Variants in ATP13A3 observed in about 807,000 individuals in gnomAD.
ATP13A3 encodes ATPase 13A3.
In ATP13A3, 59 loss-of-function variants were observed where a neutral mutation model predicts 158.1. That is an observed-to-expected ratio of 0.37 (90% confidence interval 0.30 to 0.46). ATP13A3 has a LOEUF of 0.46. Ranked by LOEUF, ATP13A3 falls within the 20% of genes least tolerant of loss-of-function variation. ATP13A3 has a pLI of 1.00. For missense variants in ATP13A3, 1,166 were observed against 1,525.2 expected (o/e 0.76, Z 3.92); for synonymous variants, 491 against 504.3 (o/e 0.97, Z 0.35).
chr3:194,441,620 A>G (rs1718057476), intron 15 of ATP13A3, among the ~76,000 whole-genome samples, 159 bp from the exon 16 acceptor site: 1 of 152,076 alleles, frequency 6.6e-6, no homozygotes, highest in South Asian at 2.1e-4. Flanking sequence ...ATACAGGGAA[A>G]AGAAAACCAG....
chr3:194,439,440 G>A (rs1037461852), intron 16 of ATP13A3, among the ~76,000 whole-genome samples: 2 of 152,206 alleles, frequency 1.3e-5, no homozygotes, highest in Non-Finnish European at 2.9e-5. Context: ...ACAAAGATAT[G>A]AGTTTAGAGT....
At chr3:194,410,937 G>GGTGTGTGTGTGTGT (rs34952393) in intron 33 of ATP13A3, among the ~76,000 whole-genome samples, 3 of 127,230 alleles carry the variant, frequency 2.4e-5, no homozygotes, top group African/African-American at 3.3e-5. Context: ...GGGGTGTTGG[G>GGTGTGTGTGTGTGT]GTGTGTGTGT....
intron 2 of ATP13A3, among the ~76,000 whole-genome samples, chr3:194,477,296 T>C (rs543099673): frequency 1.6e-4 from 24 of 152,236 alleles, no homozygotes; most frequent in East Asian, 5.8e-4. Flanking sequence ...GTTGAACTTA[T>C]AGACTAAAAA....
chr3:194,442,387 CAGG>C (rs1718110110), intron 15 of ATP13A3, among the ~76,000 whole-genome samples: 1 of 152,062 alleles, frequency 6.6e-6, no homozygotes, highest in Non-Finnish European at 1.5e-5. Context: ...CATTTGAGGC[CAGG>C]AGTTCAAAAC....
chr3:194,453,785 G>T lies in ATP13A3; in HGVS notation c.766-7C>A, dbSNP rs1175289829. ...CATGCAACATAACATATTGCTGAAAGAGGAAAAAGAAGTTAGAAACTAGCC... is the reference window on the plus strand; with the variant it reads ...CATGCAACATAACATATTGCTGAAATAGGAAAAAGAAGTTAGAAACTAGCC... On this transcript the variant is annotated splice_region_variant and splice_polypyrimidine_tract_variant and intron_variant, in intron 9 of 33. Transcript: ENST00000645319. The T allele has an allele frequency of 6.2e-7, 1 of 1,610,984 alleles. No homozygotes were observed. The highest frequency in any genetic ancestry group is 1.7e-5 in the Admixed American group (1 of 59,742).
intron 3 of ATP13A3, 41 bp from the exon 4 acceptor site, chr3:194,460,872 TA>T: frequency 6.4e-7 from 1 of 1,571,626 alleles, no homozygotes; most frequent in Non-Finnish European, 8.7e-7. Context: ...TATCAAATGA[TA>T]AAATGATATG....
intron 30 of ATP13A3, among the ~76,000 whole-genome samples, chr3:194,424,590 A>G (rs997998856): frequency 6.6e-6 from 1 of 152,230 alleles, no homozygotes; most frequent in Non-Finnish European, 1.5e-5. Flanking sequence ...TCATAACTAC[A>G]GCAAAAGAAT....
In ATP13A3 at chr3:194,420,042, G is replaced by C. The variant is rs1258228462; in HGVS notation, c.3314-75C>G. On this transcript the variant is annotated intron_variant, in intron 30 of 33. Coordinates refer to ENST00000645319, the MANE Select transcript of ATP13A3 (RefSeq NM_001367549.1). ...ATAAAAAGGCATCCAATAACAGCTG[G>C]TATACTGTCATTTGTAAATTTGGTT... 4.3e-6 allele frequency: 6 copies of C among 1,395,466 alleles called. No homozygotes were observed. In the African/African-American group the frequency reaches 9.1e-5, roughly 21 times the overall value. 86.4% of individuals were successfully genotyped at this position (1,395,466 alleles called of 1,614,324 possible).
intron 31 of ATP13A3, among the ~76,000 whole-genome samples, chr3:194,417,476 C>A (rs1715947510): frequency 6.8e-6 from 1 of 146,714 alleles, no homozygotes; most frequent in East Asian, 2.0e-4. Context: ...TCAAGCACAG[C>A]CAAAAAGGTC....
chr3:194,474,124 AT>A (rs1460274686), intron 2 of ATP13A3, among the ~76,000 whole-genome samples: 1 of 152,122 alleles, frequency 6.6e-6, no homozygotes, highest in Non-Finnish European at 1.5e-5. Context: ...GACAGTGGGT[AT>A]TTAAAAGCAA....
intron 15 of ATP13A3, among the ~76,000 whole-genome samples, 196 bp downstream of exon 15, chr3:194,444,529 T>C (rs1314458702): frequency 6.6e-6 from 1 of 152,132 alleles, no homozygotes; most frequent in Non-Finnish European, 1.5e-5. Context: ...GGGGAAGGGA[T>C]ACAGTGGGAC....
chr3:194,429,797 G>C (rs1418524425), intron 26 of ATP13A3, 23 bp from the exon 27 acceptor site: 1 of 1,594,148 alleles, frequency 6.3e-7, no homozygotes, highest in Non-Finnish European at 8.6e-7. Context: ...ATCAAATGTC[G>C]GCATATGAAT....
chr3:194,441,581 TAAGA>T (rs1480178654), intron 15 of ATP13A3, 120 bp from the exon 16 acceptor site: 17 of 856,228 alleles, frequency 2.0e-5, no homozygotes, highest in Middle Eastern at 3.3e-4. Flanking sequence ...TCTGAGCTCC[TAAGA>T]AAGAGAAACT....
chr3:194,427,991 C>T (rs1031445115), intron 28 of ATP13A3, among the ~76,000 whole-genome samples: 2 of 151,918 alleles, frequency 1.3e-5, no homozygotes, highest in African/African-American at 2.4e-5. Context: ...GAGGCCGAGG[C>T]GGGCGGACCA....
At chr3:194,417,396 GACACACAC>G (rs56119734) in intron 31 of ATP13A3, among the ~76,000 whole-genome samples, 1,416 of 118,122 alleles carry the variant, frequency 0.012, 30 homozygotes, top group East Asian at 0.079. Context: ...GCCAGATTCT[GACACACAC>G]ACACACACAC....
intron 31 of ATP13A3, 75 bp downstream of exon 31, chr3:194,419,799 AAAAAG>A (rs1231156299): frequency 5.3e-6 from 8 of 1,509,904 alleles, no homozygotes; most frequent in Non-Finnish European, 6.1e-6. Flanking sequence ...TAGAATACAC[AAAAAG>A]AAGAGATCCT....
intron 33 of ATP13A3, among the ~76,000 whole-genome samples, chr3:194,409,371 C>T (rs1715183306): frequency 6.6e-6 from 1 of 152,158 alleles, no homozygotes; most frequent in African/African-American, 2.4e-5. Context: ...GGCATAAAGA[C>T]TACCACTACA....
intron 2 of ATP13A3, among the ~76,000 whole-genome samples, chr3:194,469,542 T>C (rs530259316): frequency 6.6e-6 from 1 of 152,338 alleles, no homozygotes; most frequent in East Asian, 1.9e-4. Flanking sequence ...TTTAAGTTTA[T>C]AACATATATA....
At position 194,406,019 on chromosome 3, in the gene ATP13A3, A is replaced by T; in HGVS notation, c.3671T>A (p.Leu1224His). The T allele has an allele frequency of 1.9e-6, 3 of 1,614,132 alleles. No homozygotes were observed. Among genetic ancestry groups the T allele is most frequent in the Non-Finnish European group, 2.5e-6 (3 of 1,180,026 alleles). ...TGGTGGCCATTCTGGATCAACCAAG[A>T]GCTCCTGCGCCAGATACATGTACTT... is the stretch of plus-strand genomic sequence containing the variant. ...KAKYMYLAQELLVDPEWPPKP... is the reference protein window; with the variant it reads ...KAKYMYLAQEHLVDPEWPPKP... The change falls in exon 34 of 34, where the codon CTC becomes CAC. Residue 1224 changes from leucine to histidine, a missense_variant. This residue lies in a region of ATP13A3 where 997 missense variants were observed against 1,341.2 expected (regional missense o/e 0.74). Coordinates refer to ENST00000645319, the MANE Select transcript of ATP13A3 (RefSeq NM_001367549.1).
Sources: gnomAD v4.1 joint callset for allele counts (sites outside exome capture counted in the v4.1 genomes callset) on GRCh38, gnomAD v4.1.1 for gene constraint, gnomAD v4.1.1 regional missense constraint, MANE v1.5 for transcripts, NCBI Gene and HGNC (gene_info 2026-07-23, HGNC 2026-07-21) for gene names.